Variants in HEPACAM2 observed in about 807,000 individuals in gnomAD.
The protein encoded by HEPACAM2 is HEPACAM family member 2, also known as mitotic kinetics regulator.
A neutral mutation model predicts 49.6 loss-of-function variants in HEPACAM2; 49 were observed. The ratio of observed to expected loss-of-function variants is 0.99; its 90% CI spans 0.78 to 1.25. The LOEUF (loss-of-function observed/expected upper bound fraction) is 1.25, where lower values mean the gene tolerates loss of function less well. Ranked by LOEUF, HEPACAM2 falls within the 50% of genes most tolerant of loss-of-function variation. HEPACAM2 has a pLI of 0.00. For synonymous variants in HEPACAM2, 197 were observed against 202.9 expected (o/e 0.97, Z 0.25); for missense variants, 525 against 557.2 (o/e 0.94, Z 0.58).
At chr7:93,192,900 A>C (rs1278825895) in intron 8 of HEPACAM2, among the ~76,000 whole-genome samples, 1 of 152,124 alleles carries the variant, frequency 6.6e-6, no homozygotes, top group Admixed American at 6.6e-5. Flanking sequence ...TGGACTGTAA[A>C]AACTAAATGC....
At chr7:93,195,785 C>G (rs376697637) in intron 8 of HEPACAM2, 43 bp downstream of exon 8, 6 of 1,451,602 alleles carry the variant, frequency 4.1e-6, no homozygotes, top group African/African-American at 1.4e-5. Flanking sequence ...TCTGGTGAAG[C>G]AGAATTCTAC....
Position 93,197,423 on chromosome 7 carries a change from G to A in HEPACAM2, c.1139-26C>T, listed in dbSNP as rs774379907. 15 of 1,586,856 alleles carry A rather than the reference G, an allele frequency of 9.5e-6. No homozygotes were observed. In the African/African-American group the frequency reaches 1.9e-4, roughly 20 times the overall value. ...CTAAAATCAAGAGAGAAGAAAAATG[G>A]TAAGGTTTTTTTTAGTACACATATA... On this transcript the variant is annotated intron_variant, in intron 5 of 9. Transcript: ENST00000394468.
intron 2 of HEPACAM2, among the ~76,000 whole-genome samples, chr7:93,217,913 TGTTGGA>T (rs1474016331): frequency 4.3e-5 from 6 of 138,348 alleles, no homozygotes; most frequent in African/African-American, 1.1e-4. Context: ...TGTGTGTGTG[TGTTGGA>T]GAAGTGAGAT....
intron 4 of HEPACAM2, among the ~76,000 whole-genome samples, chr7:93,199,592 C>T (rs1360065865): frequency 1.3e-5 from 2 of 152,032 alleles, no homozygotes; most frequent in African/African-American, 2.4e-5. Flanking sequence ...GAAAGAGTGA[C>T]TGGCATTTAA....
intron 4 of HEPACAM2, among the ~76,000 whole-genome samples, chr7:93,204,857 T>A (rs1300896634): frequency 1.3e-5 from 2 of 152,144 alleles, no homozygotes; most frequent in African/African-American, 4.8e-5. Flanking sequence ...CCCTGCACTT[T>A]GGGAGGCCGA....
At chr7:93,226,792 T>C (rs1794549623), upstream of HEPACAM2, among the ~76,000 whole-genome samples, 3 of 152,200 alleles carry the variant, frequency 2.0e-5, no homozygotes, top group Non-Finnish European at 4.4e-5. Context: ...TATTGTGAGA[T>C]TTCCTTAAAA....
chr7:93,192,433 A>G, intron 8 of HEPACAM2, 70 bp from the exon 9 acceptor site: 4 of 1,132,710 alleles, frequency 3.5e-6, no homozygotes, highest in Non-Finnish European at 5.2e-6. Flanking sequence ...TATGTTGCAT[A>G]GTTGAAAACA....
intron 1 of HEPACAM2, among the ~76,000 whole-genome samples, chr7:93,219,832 T>C (rs150937231): frequency 1.3e-5 from 2 of 152,354 alleles, no homozygotes; most frequent in Admixed American, 6.5e-5. Context: ...AATCTAACTA[T>C]GTGATTTGAG....
intron 9 of HEPACAM2, 127 bp from the exon 10 acceptor site, chr7:93,189,397 A>G: frequency 5.5e-6 from 3 of 543,310 alleles, no homozygotes; most frequent in Non-Finnish European, 9.6e-6. Context: ...GAGCTAGCTC[A>G]AGAAAATTAC....
At chr7:93,201,396 CTCCTT>C (rs1793879315) in intron 4 of HEPACAM2, among the ~76,000 whole-genome samples, 1 of 151,946 alleles carries the variant, frequency 6.6e-6, no homozygotes, top group Non-Finnish European at 1.5e-5. Flanking sequence ...CCTTTGCTCT[CTCCTT>C]TCTTGTCCTA....
At chr7:93,226,855 A>T (rs866382124), upstream of HEPACAM2, among the ~76,000 whole-genome samples, 6 of 148,460 alleles carry the variant, frequency 4.0e-5, no homozygotes, top group Admixed American at 1.3e-4. Context: ...TTTTAAAATT[A>T]AAAAAAATTA....
chr7:93,231,802 C>G, the HEPACAM2 span, among the ~76,000 whole-genome samples: 3 of 152,124 alleles, frequency 2.0e-5, no homozygotes, highest in African/African-American at 7.2e-5. Flanking sequence ...GATTTTAGAG[C>G]TTTTGCAGGG....
chr7:93,204,971 G>A (rs751323223), intron 4 of HEPACAM2, among the ~76,000 whole-genome samples: 2 of 151,906 alleles, frequency 1.3e-5, no homozygotes, highest in Non-Finnish European at 2.9e-5. Flanking sequence ...ATGGTGGCAC[G>A]TGCCTTTAAT....
intron 4 of HEPACAM2, among the ~76,000 whole-genome samples, chr7:93,206,823 T>A (rs1346956237): frequency 2.0e-5 from 3 of 152,094 alleles, no homozygotes; most frequent in Admixed American, 6.6e-5. Context: ...TTCCTCCTGG[T>A]ACCAAGGAGT....
At chr7:93,205,608 C>T (rs1236250973) in intron 4 of HEPACAM2, 1 of 152,138 alleles carries the variant, frequency 6.6e-6, no homozygotes, top group Non-Finnish European at 1.5e-5. Context: ...CTCCACAGAT[C>T]TCAAGAGTTT....
intron 2 of HEPACAM2, 143 bp from the exon 3 acceptor site, chr7:93,215,828 A>AAGAAG (rs1252918016): frequency 1.3e-6 from 1 of 756,126 alleles, no homozygotes; most frequent in South Asian, 2.1e-5. Context: ...GTAATAACTA[A>AAGAAG]AGAAGAGAAG....
chr7:93,204,650 C>A (rs924794279), intron 4 of HEPACAM2, among the ~76,000 whole-genome samples: 1 of 151,980 alleles, frequency 6.6e-6, no homozygotes, highest in Admixed American at 6.6e-5. Context: ...ACGTACATAG[C>A]ATTAAATTAG....
At chr7:93,207,432 A>T in intron 4 of HEPACAM2, among the ~76,000 whole-genome samples, 1 of 152,004 alleles carries the variant, frequency 6.6e-6, no homozygotes, top group Non-Finnish European at 1.5e-5. Flanking sequence ...GAAGAGGAAG[A>T]AGAAAAAGGA....
At chr7:93,205,703 C>G (rs920814447) in intron 4 of HEPACAM2, 1 of 152,142 alleles carries the variant, frequency 6.6e-6, no homozygotes, top group African/African-American at 2.4e-5. Flanking sequence ...TATACTTAAT[C>G]TGTCCTGCTG....
Sources: allele counts gnomAD v4.1 joint callset (sites outside exome capture counted in the v4.1 genomes callset), GRCh38; gene constraint gnomAD v4.1.1; transcripts MANE v1.5; gene names NCBI Gene and HGNC (gene_info 2026-07-23, HGNC 2026-07-21).